Variants in EXO1 observed in about 807,000 individuals in gnomAD.
The protein encoded by EXO1 is exonuclease 1.
A neutral mutation model predicts 84.5 loss-of-function variants in EXO1; 69 were observed. That is an observed-to-expected ratio of 0.82 (90% CI 0.67 to 1.00). The LOEUF (loss-of-function observed/expected upper bound fraction) is 1.00, where lower values mean the gene tolerates loss of function less well. EXO1 is among the 50% of genes least tolerant of loss of function. The probability of loss-of-function intolerance (pLI) is 0.00; values close to 1 mark genes in which losing one functional copy is unlikely to be tolerated. For synonymous variants in EXO1, 373 were observed against 366.1 expected, an observed-to-expected ratio of 1.02 and a Z score of -0.21; for missense variants, 1,045 against 1,000.7, an observed-to-expected ratio of 1.04 and a Z score of -0.60.
intron 15 of EXO1, among the ~76,000 whole-genome samples, chr1:241,888,648 A>G (rs12728518): frequency 0.27 from 41,055 of 152,174 alleles, 6,524 homozygotes; most frequent in East Asian, 0.57. Context: ...TTTGAGAAAA[A>G]AAGATGTACT....
intron 7 of EXO1, 88 bp from the exon 8 acceptor site, chr1:241,858,418 A>G (rs1482232145): frequency 3.7e-6 from 3 of 820,034 alleles, no homozygotes; most frequent in East Asian, 4.9e-5. Flanking sequence ...GGTGAAGAAC[A>G]AGAAAGATTT....
rs368238942 is a variant in EXO1 at position 241,878,815 on chromosome 1, A to G, written c.1581A>G (p.Glu527=). Residue 527 remains glutamate, a synonymous_variant, in exon 13 of 16, where the codon GAA becomes GAG. Transcript: ENST00000366548. ...AAGTGAGCATCCAGCCTCTGGATGA[A>G]ACTGCTGTCACAGATAAAGAGAACA... is the stretch of plus-strand genomic sequence containing the variant. The part of the protein sequence containing the change: ...SNKVSIQPLD[E]TAVTDKENNL... 6.9e-5 allele frequency: 112 copies of G among 1,613,956 alleles called. No homozygotes were observed. The highest frequency in any genetic ancestry group is 8.7e-5 in the Non-Finnish European group (103 of 1,179,978).
At position 241,889,654 on chromosome 1, in the gene EXO1, C is replaced by T. The variant is rs561083430; in HGVS notation, c.*54C>T. The T allele has an allele frequency of 1.2e-4, 191 of 1,587,092 alleles. No individual in the cohort carries two copies. The highest frequency in any genetic ancestry group is 5.0e-4 in the Admixed American group (30 of 60,002). The stretch of plus-strand genomic sequence containing the variant: ...CAAGAGAATCTGATCAATTTGAAGT[C>T]CCTGTTTGGGAATGAGGCACTTATC... On this transcript the variant is annotated 3_prime_UTR_variant, in exon 16 of 16. Coordinates refer to ENST00000366548, the MANE Select transcript of EXO1 (RefSeq NM_130398.4).
chr1:241,867,357 C>T lies in EXO1; in HGVS notation c.1267+302C>T, dbSNP rs190821049. On this transcript the variant is annotated intron_variant, in intron 11 of 15. Coordinates refer to ENST00000366548, the MANE Select transcript of EXO1 (RefSeq NM_130398.4). ...TGAGAGCCAAGTGAAAGGGTTTTCC[C>T]TTATAAAACCATCAGATCTCATGAG... Among the ~76,000 whole-genome samples the T allele has an allele frequency of 8.5e-5, 13 of 152,178 alleles. No individual in the cohort carries two copies. In the East Asian group the frequency reaches 2.5e-3, roughly 29 times the overall value.
rs917790970 is a variant in EXO1, at chr1:241,849,151, A to T, written c.-83A>T. 5 of 152,224 alleles carry T rather than the reference A, an allele frequency of 3.3e-5. No individual in the cohort carries two copies. Among genetic ancestry groups the T allele is most frequent in the African/African-American group, 1.2e-4 (5 of 41,456 alleles). 9.4% of individuals were successfully genotyped at this position (152,224 alleles called of 1,614,324 possible). A position where few individuals can be genotyped will look rare whatever the true frequency, so the allele number is the denominator to read the frequency against. On this transcript the variant is annotated 5_prime_UTR_variant, in exon 3 of 16. Coordinates refer to ENST00000366548, the MANE Select transcript of EXO1 (RefSeq NM_130398.4). ...AGTCACTGAGTGGAGTTGAGAGTCTAAGAACCTCTGAAATTTGAGAACTGC... is the reference window on the plus strand; with the variant it reads ...AGTCACTGAGTGGAGTTGAGAGTCTTAGAACCTCTGAAATTTGAGAACTGC...
intron 15 of EXO1, among the ~76,000 whole-genome samples, chr1:241,885,791 C>G (rs1663031107): frequency 1.3e-5 from 2 of 151,806 alleles, no homozygotes; most frequent in Non-Finnish European, 2.9e-5. Flanking sequence ...CTCCTGCCTT[C>G]CTTTTCTTAT....
chr1:241,861,602 C>G (rs532953643), intron 10 of EXO1, 100 bp downstream of exon 10: 1 of 757,986 alleles, frequency 1.3e-6, no homozygotes, highest in Non-Finnish European at 2.4e-6. Flanking sequence ...TTAAGCGTTT[C>G]TATATCCAGG....
chr1:241,867,066 C>T lies in EXO1; in HGVS notation c.1267+11C>T, dbSNP rs753120591. 30 of 1,593,784 alleles carry T rather than the reference C, an allele frequency of 1.9e-5. No individual in the cohort carries two copies. Among genetic ancestry groups the T allele is most frequent in the Non-Finnish European group, 2.4e-5 (28 of 1,161,902 alleles). ...AAAGACCAAGAAGTGGTACGTATTT[C>T]AGTTTTGCAAAATGCTGGTGAATAT... On this transcript the variant is annotated intron_variant, in intron 11 of 15. Coordinates refer to ENST00000366548, the MANE Select transcript of EXO1 (RefSeq NM_130398.4).
In EXO1 at chr1:241,866,832, T is replaced by A. The variant is rs1453536494; in HGVS notation, c.1044T>A (p.Pro348=). 17 of 1,601,574 alleles carry A rather than the reference T, an allele frequency of 1.1e-5. No homozygotes were observed. Among genetic ancestry groups the A allele is most frequent in the Admixed American group, 1.7e-5 (1 of 59,982 alleles). Residue 348 remains proline, a splice_region_variant and synonymous_variant, in exon 11 of 16, where the codon CCT becomes CCA. Transcript: ENST00000366548. ...IDDYNPDTAM[P]AHSRSHSWDD... is the part of the protein sequence containing the mutation. ...TCTTTTTCCTTTTCCTTTTCTAGCCTGCCCATTCAAGAAGTCATAGTTGGG... is the reference window on the plus strand; with the variant it reads ...TCTTTTTCCTTTTCCTTTTCTAGCCAGCCCATTCAAGAAGTCATAGTTGGG...
rs1661329270 is a variant in EXO1 at position 241,860,619 on chromosome 1, G to T, written c.859G>T (p.Val287Phe). 1 of 1,613,824 alleles carries T rather than the reference G, an allele frequency of 6.2e-7. No individual in the cohort carries two copies. Among genetic ancestry groups the T allele is most frequent in the Non-Finnish European group, 8.5e-7 (1 of 1,179,700 alleles). The change falls in exon 9 of 16, where the codon GTT (valine) becomes TTT (phenylalanine). Residue 287 changes from valine to phenylalanine, a missense_variant. Val to Phe is a conservative substitution (Grantham distance 50, BLOSUM62 -1). Transcript: ENST00000366548. ...CAACAATACCTTCCTCTATCAGCTA[G>T]TTTTTGATCCCATCAAAAGGAAACT... ...RANNTFLYQL[V>F]FDPIKRKLIP...
chr1:241,876,736 G>A (rs1662424388), intron 12 of EXO1, among the ~76,000 whole-genome samples: 1 of 152,156 alleles, frequency 6.6e-6, no homozygotes, highest in African/African-American at 2.4e-5. Flanking sequence ...AAGAGATTGA[G>A]GCTCTGAGAG....
intron 11 of EXO1, among the ~76,000 whole-genome samples, chr1:241,868,873 G>A (rs1661912111): frequency 6.6e-6 from 1 of 152,064 alleles, no homozygotes; most frequent in African/African-American, 2.4e-5. Context: ...AGTATTTTCA[G>A]TTTTGTTTTC....
intron 9 of EXO1, 83 bp downstream of exon 9, chr1:241,860,787 A>G: frequency 9.1e-7 from 1 of 1,097,620 alleles, no homozygotes; most frequent in Non-Finnish European, 1.4e-6. Flanking sequence ...GGCATTTAGT[A>G]AAAAGCTTGC....
chr1:241,860,280 A>G (rs532264497), intron 8 of EXO1, among the ~76,000 whole-genome samples: 1 of 104,900 alleles, frequency 9.5e-6, no homozygotes. Context: ...GATGTACTAT[A>G]TAACTGTATT....
At chr1:241,880,741 A>G (rs1330169666) in intron 13 of EXO1, among the ~76,000 whole-genome samples, 1 of 152,224 alleles carries the variant, frequency 6.6e-6, no homozygotes, top group Non-Finnish European at 1.5e-5. Context: ...TTGGGGCATC[A>G]TTTTGAATAT....
rs145789527 is a variant in EXO1, at chr1:241,878,903, C to A, written c.1669C>A (p.Arg557Ser). Residue 557 changes from arginine to serine, a missense_variant, in exon 13 of 16, where the codon CGT becomes AGT. Arg to Ser is a moderately radical substitution (Grantham distance 110). Transcript: ENST00000366548. ...GAGACTGGTTGACACAGATGTAGCACGTAATTCAAGTGATGACATTCCGAA... is the reference window on the plus strand; with the variant it reads ...GAGACTGGTTGACACAGATGTAGCAAGTAATTCAAGTGATGACATTCCGAA... ...GKRLVDTDVA[R>S]NSSDDIPNNH... 2 of 1,614,092 alleles carry A rather than the reference C, an allele frequency of 1.2e-6. No homozygotes were observed. The highest frequency in any genetic ancestry group is 1.1e-5 in the South Asian group (1 of 91,082).
intron 7 of EXO1, among the ~76,000 whole-genome samples, chr1:241,858,279 C>T (rs1271538795): frequency 6.6e-6 from 1 of 152,204 alleles, no homozygotes; most frequent in Non-Finnish European, 1.5e-5. Flanking sequence ...TTGCTTTATA[C>T]CAGAATTGTG....
intron 3 of EXO1, among the ~76,000 whole-genome samples, chr1:241,850,153 C>G (rs940354339): frequency 6.6e-6 from 1 of 152,002 alleles, no homozygotes; most frequent in African/African-American, 2.4e-5. Context: ...CGGTGGCGGG[C>G]GCCTGTAGTC....
intron 15 of EXO1, among the ~76,000 whole-genome samples, chr1:241,885,880 T>G: frequency 6.8e-6 from 1 of 147,224 alleles, no homozygotes; most frequent in East Asian, 2.1e-4. Flanking sequence ...TTTGAGAGAG[T>G]TTTGCTCTTG....
Sources: allele counts gnomAD v4.1 joint callset (sites outside exome capture counted in the v4.1 genomes callset), GRCh38; gene constraint gnomAD v4.1.1; transcripts MANE v1.5; gene names NCBI Gene and HGNC (gene_info 2026-07-23, HGNC 2026-07-21).